The following ZNF33B variants were observed in gnomAD, a reference collection of about 807,000 sequenced individuals.
ZNF33B encodes the protein zinc finger protein 33B.
ZNF33B carries 29 observed loss-of-function variants against 45.8 expected under a neutral mutation model. That is an observed-to-expected ratio of 0.63 (90% CI 0.47 to 0.86). The LOEUF (loss-of-function observed/expected upper bound fraction) is 0.86. ZNF33B is among the 40% of genes least tolerant of loss of function. The pLI is 0.00. For missense variants in ZNF33B, 831 were observed against 909.9 expected (o/e 0.91, Z 1.12); for synonymous variants, 305 against 307.8 (o/e 0.99, Z 0.10).
intron 3 of ZNF33B, 130 bp from the exon 4 acceptor site, chr10:42,632,154 A>C: frequency 1.4e-6 from 2 of 1,474,008 alleles, no homozygotes; most frequent in Non-Finnish European, 9.3e-7. Context: ...GAACACAAGT[A>C]TCTTCTGGTG....
intron 1 of ZNF33B, among the ~76,000 whole-genome samples, chr10:42,638,098 G>A (rs972757160): frequency 1.3e-5 from 2 of 152,246 alleles, no homozygotes; most frequent in Non-Finnish European, 2.9e-5. Context: ...AACAGAGTCC[G>A]TATGTCGGGC....
intron 1 of ZNF33B, chr10:42,579,966 C>T (rs1589008939): frequency 6.5e-6 from 1 of 154,306 alleles, no homozygotes; most frequent in Admixed American, 6.5e-5. Context: ...AACTAAGACC[C>T]CTATCTCTGC....
intron 4 of ZNF33B, among the ~76,000 whole-genome samples, chr10:42,631,640 T>C (rs1315919047): frequency 6.6e-6 from 1 of 152,144 alleles, no homozygotes; most frequent in African/African-American, 2.4e-5. Flanking sequence ...TGAAAGTGCT[T>C]TGAGAAAAAT....
chr10:42,584,287 G>C (rs999495997), downstream of ZNF33B, among the ~76,000 whole-genome samples: 3 of 152,180 alleles, frequency 2.0e-5, no homozygotes, highest in African/African-American at 7.2e-5. Context: ...CACTAGCCTG[G>C]GAGTTCTGCC....
intron 1 of ZNF33B, chr10:42,579,597 C>T (rs138322512): frequency 0.011 from 1,720 of 152,414 alleles, 17 homozygotes; most frequent in Middle Eastern, 0.023. Flanking sequence ...AGAGTGACCA[C>T]TGGGACTCAA....
At chr10:42,614,907 C>A (rs1484148741) in intron 4 of ZNF33B, among the ~76,000 whole-genome samples, 1 of 151,648 alleles carries the variant, frequency 6.6e-6, no homozygotes. Flanking sequence ...GAGCTGAGAT[C>A]GTGCCACTGT....
Position 42,614,866 on chromosome 10 carries a change from T to C in ZNF33B, c.250+17063A>G, listed in dbSNP as rs1204890427. On this transcript the variant is annotated intron_variant, in intron 4 of 4. Coordinates refer to ENST00000359467, the MANE Select transcript of ZNF33B (RefSeq NM_006955.3). The stretch of plus-strand genomic sequence containing the variant: ...CTACTCAGGAGGCTGAGGCAGAGAA[T>C]TGCTTGAACCCAGGAGACAGAGGCT... Among the ~76,000 whole-genome samples, 7 of 151,988 alleles carry C rather than the reference T, an allele frequency of 4.6e-5. No homozygotes were observed. In the East Asian group the frequency reaches 7.8e-4, roughly 17 times the overall value.
rs1319706022 is a variant in ZNF33B, at chr10:42,593,557, C to G, written c.1393G>C (p.Gly465Arg). Residue 465 changes from glycine (G) to arginine (R), a missense_variant, in exon 5 of 5, where the codon GGT (glycine) becomes CGT (arginine). Physicochemically the swap from Gly to Arg is moderately radical, Grantham distance 125. Transcript: ENST00000359467. ...TCAAGACATTCAAAAGGTTTCTCAC[C>G]TGTGTGAGTTCTCTGGTGTACTGTA... is the stretch of plus-strand genomic sequence containing the variant. The part of the protein sequence containing the change: ...HLTVHQRTHT[G>R]EKPFECLECG... The G allele has an allele frequency of 6.2e-7, 1 of 1,613,906 alleles. No homozygotes were observed. The highest frequency in any genetic ancestry group is 8.5e-7 in the Non-Finnish European group (1 of 1,179,982).
intron 4 of ZNF33B, among the ~76,000 whole-genome samples, chr10:42,603,689 T>C (rs1432602241): frequency 1.3e-5 from 2 of 152,150 alleles, no homozygotes; most frequent in Non-Finnish European, 2.9e-5. Flanking sequence ...CAGGACAGTG[T>C]TGAAAACAAT....
chr10:42,617,092 CTTTTTTTT>C lies in ZNF33B; in HGVS notation c.250+14829_250+14836del, dbSNP rs199977911. On this transcript the variant is annotated intron_variant, in intron 4 of 4. Transcript: ENST00000359467. ...TTGAAGAAAATTGTTCATTTTTTCTCTTTTTTTTTTTTTTTTTTTTTTTTTTTTTGAGG... is the reference window on the plus strand; with the variant it reads ...TTGAAGAAAATTGTTCATTTTTTCTCTTTTTTTTTTTTTTTTTTTTTGAGG... 2.9e-4 allele frequency among the ~76,000 whole-genome samples: 18 copies of C among 61,206 alleles called. No homozygotes were observed. In the Admixed American group the frequency reaches 3.0e-3, roughly 10 times the overall value. 40.2% of individuals were successfully genotyped at this position (61,206 alleles called of 152,430 possible). A position where few individuals can be genotyped will look rare whatever the true frequency, so the allele number is the denominator to read the frequency against.
chr10:42,635,158 T>C (rs1282685330), intron 2 of ZNF33B, among the ~76,000 whole-genome samples: 2 of 151,176 alleles, frequency 1.3e-5, no homozygotes, highest in Admixed American at 1.3e-4. Context: ...GGAGAATCCC[T>C]GGAGCCCTGA....
chr10:42,610,655 G>C (rs1202193054), intron 4 of ZNF33B, among the ~76,000 whole-genome samples: 2 of 152,148 alleles, frequency 1.3e-5, no homozygotes, highest in Non-Finnish European at 2.9e-5. Context: ...AACAATGATG[G>C]AAGTAATTAA....
intron 4 of ZNF33B, among the ~76,000 whole-genome samples, chr10:42,607,368 A>G (rs1001453418): frequency 2.0e-5 from 3 of 150,974 alleles, no homozygotes; most frequent in African/African-American, 7.3e-5. Context: ...GGAATGAGAG[A>G]CACTGGAGAC....
rs546435667 is a variant in ZNF33B at position 42,636,935 on chromosome 10, C to T, written c.-7G>A. Reference sequence around the variant, plus strand: ...AACAACTTACCTTGTTCATTTTGTTCTGTTCTTGGAAAGACGGAGACAACT... The same window carrying T: ...AACAACTTACCTTGTTCATTTTGTTTTGTTCTTGGAAAGACGGAGACAACT... On this transcript the variant is annotated 5_prime_UTR_variant, in exon 2 of 5. Transcript: ENST00000359467. 4 of 1,614,180 alleles carry T rather than the reference C, an allele frequency of 2.5e-6. No homozygotes were observed. The highest frequency in any genetic ancestry group is 3.3e-5 in the Admixed American group (2 of 60,010).
intron 1 of ZNF33B, among the ~76,000 whole-genome samples, chr10:42,581,189 T>A (rs1441074954): frequency 6.6e-6 from 1 of 151,904 alleles, no homozygotes; most frequent in Non-Finnish European, 1.5e-5. Flanking sequence ...AATCCAAGAA[T>A]GAAAGTGTGG....
intron 4 of ZNF33B, among the ~76,000 whole-genome samples, chr10:42,622,898 G>A (rs913108386): frequency 6.6e-6 from 1 of 152,186 alleles, no homozygotes; most frequent in Non-Finnish European, 1.5e-5. Context: ...GAAATGTTCA[G>A]AAGAAAACAT....
chr10:42,622,144 T>C (rs1838618937), intron 4 of ZNF33B, among the ~76,000 whole-genome samples: 1 of 152,188 alleles, frequency 6.6e-6, no homozygotes, highest in Non-Finnish European at 1.5e-5. Flanking sequence ...GGTGCAAGAC[T>C]TGTATACTAA....
In ZNF33B at chr10:42,593,312, C is replaced by T. The variant is rs138165805; in HGVS notation, c.1638G>A (p.Thr546=). The part of the protein sequence containing the change: ...LKSDLTIHQR[T]HTGEKPFACP... ...ATGCAAAGGGTTTCTCCCCTGTGTGCGTTCTCTGATGTATTGTGAGGTCTG... is the reference window on the plus strand; with the variant it reads ...ATGCAAAGGGTTTCTCCCCTGTGTGTGTTCTCTGATGTATTGTGAGGTCTG... Residue 546 remains threonine (T), a synonymous_variant, in exon 5 of 5, where the codon ACG becomes ACA. Transcript: ENST00000359467. 4.2e-4 allele frequency: 671 copies of T among 1,608,476 alleles called. 3 individuals carry two copies. The African/African-American group carries it at 6.9e-3, about 17-fold the overall frequency.
chr10:42,635,940 C>T (rs1839282320), intron 2 of ZNF33B, among the ~76,000 whole-genome samples: 1 of 151,876 alleles, frequency 6.6e-6, no homozygotes, highest in Admixed American at 6.6e-5. Context: ...ATCATCCTGG[C>T]CAACATGGTG....
Sources: gnomAD v4.1 joint callset for allele counts (sites outside exome capture counted in the v4.1 genomes callset) on GRCh38, gnomAD v4.1.1 for gene constraint, MANE v1.5 for transcripts, NCBI Gene and HGNC (gene_info 2026-07-23, HGNC 2026-07-21) for gene names.